The following RANBP17 variants were observed in gnomAD, a reference collection of about 807,000 sequenced individuals.
The protein encoded by RANBP17 is ran-binding protein 17.
In RANBP17, 158 loss-of-function variants were observed where a neutral mutation model predicts 141.2. The observed-to-expected ratio is 1.12, with a 90% confidence interval of 0.98 to 1.28. The LOEUF (loss-of-function observed/expected upper bound fraction) is 1.28, where lower values mean the gene tolerates loss of function less well. Ranked by LOEUF, RANBP17 falls within the 50% of genes most tolerant of loss-of-function variation. RANBP17 has a pLI of 0.00. For missense variants in RANBP17, 1,438 were observed against 1,290.7 expected (o/e 1.11, Z -1.75); for synonymous variants, 430 against 450.0 (o/e 0.96, Z 0.56).
chr5:170,914,960 G>A (rs1246339410), intron 8 of RANBP17, among the ~76,000 whole-genome samples: 1 of 152,038 alleles, frequency 6.6e-6, no homozygotes, highest in Non-Finnish European at 1.5e-5. Context: ...GTTTGTTTAG[G>A]TATCTTATTG....
intron 14 of RANBP17, among the ~76,000 whole-genome samples, chr5:171,025,335 G>T (rs936891412): frequency 6.6e-6 from 1 of 152,134 alleles, no homozygotes; most frequent in Non-Finnish European, 1.5e-5. Context: ...TGAAGAAACT[G>T]TCCTCCCTAG....
intron 14 of RANBP17, among the ~76,000 whole-genome samples, chr5:171,083,977 AT>A (rs1785437503): frequency 3.0e-5 from 4 of 135,366 alleles, no homozygotes; most frequent in South Asian, 4.9e-4. Context: ...TTTTTTAATT[AT>A]ACTTTAAGTT....
chr5:171,118,229 T>C (rs1284558461), intron 14 of RANBP17, among the ~76,000 whole-genome samples: 1 of 152,118 alleles, frequency 6.6e-6, no homozygotes, highest in Non-Finnish European at 1.5e-5. Flanking sequence ...AATTTGGGAG[T>C]TCTCTATTCA....
At chr5:170,976,758 T>G (rs1262288255) in intron 14 of RANBP17, among the ~76,000 whole-genome samples, 1 of 152,054 alleles carries the variant, frequency 6.6e-6, no homozygotes, top group Non-Finnish European at 1.5e-5. Context: ...CATAACTCAG[T>G]AGTGGAAGAA....
intron 14 of RANBP17, among the ~76,000 whole-genome samples, chr5:171,021,527 T>C (rs1428101838): frequency 2.6e-5 from 4 of 152,222 alleles, no homozygotes; most frequent in Non-Finnish European, 4.4e-5. Flanking sequence ...AAGTTGATCT[T>C]CAATCTCTGA....
chr5:170,875,884 T>C (rs182014227), intron 1 of RANBP17, among the ~76,000 whole-genome samples: 8 of 152,322 alleles, frequency 5.3e-5, no homozygotes, highest in Admixed American at 5.2e-4. Context: ...CATGAGTTTG[T>C]CTAGTTTCGA....
intron 14 of RANBP17, among the ~76,000 whole-genome samples, chr5:171,066,797 A>G (rs562831430): frequency 3.3e-5 from 5 of 152,282 alleles, no homozygotes; most frequent in East Asian, 3.9e-4. Context: ...ACAGTGTGCA[A>G]ACGTTCCCAG....
At chr5:171,290,624 A>G (rs1442024897) in intron 25 of RANBP17, among the ~76,000 whole-genome samples, 1 of 152,224 alleles carries the variant, frequency 6.6e-6, no homozygotes, top group Non-Finnish European at 1.5e-5. Context: ...GTCATTCAAA[A>G]TCCTTACAAA....
At chr5:170,966,407 G>A (rs1776567962) in intron 13 of RANBP17, among the ~76,000 whole-genome samples, 1 of 152,088 alleles carries the variant, frequency 6.6e-6, no homozygotes, top group Non-Finnish European at 1.5e-5. Context: ...ATCAATAAAT[G>A]TAATCCAGCA....
intron 12 of RANBP17, among the ~76,000 whole-genome samples, chr5:170,940,714 A>G (rs1486432739): frequency 1.3e-5 from 2 of 152,210 alleles, no homozygotes; most frequent in African/African-American, 4.8e-5. Context: ...TAGTAAATTT[A>G]GGAGGGATTT....
At chr5:170,941,647 T>C (rs1180402693) in intron 12 of RANBP17, among the ~76,000 whole-genome samples, 1 of 152,166 alleles carries the variant, frequency 6.6e-6, no homozygotes, top group East Asian at 1.9e-4. Context: ...AATAGGCATC[T>C]GGCAGAAAAA....
chr5:171,096,344 TTGTC>T (rs1458651689), intron 14 of RANBP17, among the ~76,000 whole-genome samples: 1 of 152,210 alleles, frequency 6.6e-6, no homozygotes, highest in Non-Finnish European at 1.5e-5. Context: ...TAACTTATTG[TTGTC>T]TGTCTTCCAA....
chr5:171,150,209 G>C (rs1758373441), intron 14 of RANBP17, among the ~76,000 whole-genome samples: 2 of 151,640 alleles, frequency 1.3e-5, no homozygotes, highest in South Asian at 4.2e-4. Flanking sequence ...GTGTTTTTAG[G>C]GTATTCCCAT....
At chr5:171,276,136 G>A (rs892969857) in intron 25 of RANBP17, among the ~76,000 whole-genome samples, 1 of 152,158 alleles carries the variant, frequency 6.6e-6, no homozygotes, top group Non-Finnish European at 1.5e-5. Flanking sequence ...GGTCAAAGAG[G>A]CAGTTGTTCA....
intron 14 of RANBP17, among the ~76,000 whole-genome samples, chr5:171,059,281 G>T (rs1018959242): frequency 6.6e-6 from 1 of 152,110 alleles, no homozygotes; most frequent in Non-Finnish European, 1.5e-5. Context: ...TTCTTCTAGG[G>T]TTTTTATGGT....
intron 5 of RANBP17, among the ~76,000 whole-genome samples, chr5:170,900,080 C>G (rs1291027907): frequency 1.3e-5 from 2 of 152,068 alleles, no homozygotes; most frequent in Non-Finnish European, 2.9e-5. Flanking sequence ...GAAATAGTTT[C>G]AGAAGGAATG....
intron 14 of RANBP17, among the ~76,000 whole-genome samples, chr5:171,156,509 G>A (rs1034612472): frequency 5.9e-5 from 9 of 152,060 alleles, no homozygotes; most frequent in Admixed American, 2.0e-4. Flanking sequence ...GAACATGTGT[G>A]GATCACTATA....
At chr5:171,118,811 A>G (rs1755820028) in intron 14 of RANBP17, among the ~76,000 whole-genome samples, 1 of 152,126 alleles carries the variant, frequency 6.6e-6, no homozygotes. Context: ...GATCAGTTCT[A>G]AATGTTTTTT....
chr5:170,934,326 C>T (rs915391121), intron 12 of RANBP17, among the ~76,000 whole-genome samples: 1 of 152,082 alleles, frequency 6.6e-6, no homozygotes, highest in Non-Finnish European at 1.5e-5. Context: ...TGAGATGGGT[C>T]TCCTGAATAC....
Sources: allele counts gnomAD v4.1 joint callset (sites outside exome capture counted in the v4.1 genomes callset), GRCh38; gene constraint gnomAD v4.1.1; transcripts MANE v1.5; gene names NCBI Gene and HGNC (gene_info 2026-07-23, HGNC 2026-07-21).